Variants in LYPD6 observed in about 807,000 individuals in gnomAD.
LYPD6 encodes LY6/PLAUR domain containing 6.
Under a neutral mutation model 22.7 loss-of-function variants are expected in LYPD6, and 15 were observed. That is an observed-to-expected ratio of 0.66 (90% CI 0.44 to 1.02). LYPD6 has a LOEUF of 1.02. Ranked by LOEUF, LYPD6 falls within the 50% of genes least tolerant of loss-of-function variation. The pLI is 0.00. For missense variants in LYPD6, 189 were observed against 208.4 expected (o/e 0.91, Z 0.57); for synonymous variants, 72 against 77.5 (o/e 0.93, Z 0.37).
intron 1 of LYPD6, among the ~76,000 whole-genome samples, chr2:149,405,284 G>A (rs951138523): frequency 5.3e-5 from 8 of 151,996 alleles, no homozygotes; most frequent in African/African-American, 1.2e-4. Context: ...TTTTTCTATT[G>A]ATTGGAATAG....
At chr2:149,353,778 A>G (rs139145272) in intron 1 of LYPD6, among the ~76,000 whole-genome samples, 2,455 of 152,282 alleles carry the variant, frequency 0.016, 40 homozygotes, top group Non-Finnish European at 0.023. Context: ...ATTAAAAAAA[A>G]AAATTCCACC....
At chr2:149,364,500 A>G (rs1398031221) in intron 1 of LYPD6, among the ~76,000 whole-genome samples, 1 of 150,222 alleles carries the variant, frequency 6.7e-6, no homozygotes, top group Non-Finnish European at 1.5e-5. Context: ...TCTTTTGTTT[A>G]CTTGTCAGAT....
chr2:149,401,347 TGAA>T (rs576680098), intron 1 of LYPD6, among the ~76,000 whole-genome samples: 6 of 152,220 alleles, frequency 3.9e-5, no homozygotes, highest in Non-Finnish European at 8.8e-5. Flanking sequence ...CTATTCATAA[TGAA>T]GAAGGAGTGA....
At chr2:149,435,430 T>C (rs1683408984) in intron 1 of LYPD6, among the ~76,000 whole-genome samples, 1 of 152,224 alleles carries the variant, frequency 6.6e-6, no homozygotes, top group Non-Finnish European at 1.5e-5. Flanking sequence ...TGAGCCCTGC[T>C]ACGTACAGAT....
chr2:149,362,579 A>G (rs887711323), intron 1 of LYPD6, among the ~76,000 whole-genome samples: 4 of 152,162 alleles, frequency 2.6e-5, no homozygotes, highest in South Asian at 2.1e-4. Flanking sequence ...TATAAACAAT[A>G]TAAGTTTACT....
intron 1 of LYPD6, among the ~76,000 whole-genome samples, chr2:149,421,681 A>C (rs1683084815): frequency 6.6e-6 from 1 of 152,162 alleles, no homozygotes; most frequent in African/African-American, 2.4e-5. Flanking sequence ...TTTTATTTGA[A>C]TATAATATTT....
At chr2:149,469,082 T>G (rs1381533101) in intron 4 of LYPD6, among the ~76,000 whole-genome samples, 3 of 152,208 alleles carry the variant, frequency 2.0e-5, no homozygotes, top group African/African-American at 7.2e-5. Flanking sequence ...AAGAGACCAG[T>G]TATGTCCATC....
intron 1 of LYPD6, among the ~76,000 whole-genome samples, chr2:149,374,753 T>C (rs529588424): frequency 6.6e-6 from 1 of 152,328 alleles, no homozygotes; most frequent in Non-Finnish European, 1.5e-5. Flanking sequence ...GTAGCACATG[T>C]TAGGCTTTTA....
chr2:149,385,191 C>T (rs141478839), intron 1 of LYPD6, among the ~76,000 whole-genome samples: 2 of 152,174 alleles, frequency 1.3e-5, no homozygotes, highest in Admixed American at 6.6e-5. Flanking sequence ...TGGCAGAGTG[C>T]AAATGGGTAA....
chr2:149,414,129 A>G (rs1168756777), intron 1 of LYPD6, among the ~76,000 whole-genome samples: 1 of 152,234 alleles, frequency 6.6e-6, no homozygotes, highest in Non-Finnish European at 1.5e-5. Flanking sequence ...GAACTTTGAT[A>G]GATGTTCAGT....
At chr2:149,394,632 C>A (rs1280624388) in intron 1 of LYPD6, among the ~76,000 whole-genome samples, 3 of 151,922 alleles carry the variant, frequency 2.0e-5, no homozygotes, top group East Asian at 1.9e-4. Flanking sequence ...TTTCATATAT[C>A]TCTCTCTCTT....
In LYPD6 at chr2:149,471,285, A is replaced by G. The variant is rs1271572846; in HGVS notation, c.*435A>G. 1.3e-5 allele frequency: 2 copies of G among 153,108 alleles called. No homozygotes were observed. The highest frequency in any genetic ancestry group is 2.9e-5 in the Non-Finnish European group (2 of 68,716). 9.5% of individuals were successfully genotyped at this position (153,108 alleles called of 1,614,324 possible). On this transcript the variant is annotated 3_prime_UTR_variant, in exon 5 of 5. Transcript: ENST00000334166. Reference sequence around the variant, plus strand: ...TAAATATAATCATGAGTTCATTTGTAGCTTTAGAATTTTAAAACATTGACT... The same window carrying G: ...TAAATATAATCATGAGTTCATTTGTGGCTTTAGAATTTTAAAACATTGACT...
rs148873262 is a variant in LYPD6, at chr2:149,336,745, A to T, written c.-72+6023A>T. 3.3e-3 allele frequency among the ~76,000 whole-genome samples: 507 copies of T among 152,320 alleles called. 4 individuals carry two copies. The highest frequency in any genetic ancestry group is 0.012 in the African/African-American group (494 of 41,568). On this transcript the variant is annotated intron_variant, in intron 1 of 4. Transcript: ENST00000334166. ...TTTTCTAGATTAAACACATATTCTTATAAGACAAAACATTATGAAAATAAG... is the reference window on the plus strand; with the variant it reads ...TTTTCTAGATTAAACACATATTCTTTTAAGACAAAACATTATGAAAATAAG...
chr2:149,358,401 C>G (rs1681509582), intron 1 of LYPD6, among the ~76,000 whole-genome samples: 1 of 152,156 alleles, frequency 6.6e-6, no homozygotes, highest in Non-Finnish European at 1.5e-5. Flanking sequence ...AAGATAGGGA[C>G]TGGCTGGTTG....
At chr2:149,457,407 CTGCTATTGTGTGCAA>C (rs1680986233) in intron 3 of LYPD6, among the ~76,000 whole-genome samples, 1 of 152,182 alleles carries the variant, frequency 6.6e-6, no homozygotes, top group African/African-American at 2.4e-5. Flanking sequence ...GATTAAATGC[CTGCTATTGTGTGCAA>C]TGCCCTGTGT....
intron 1 of LYPD6, among the ~76,000 whole-genome samples, chr2:149,351,269 C>T (rs2105058772): frequency 6.6e-6 from 1 of 151,916 alleles, no homozygotes; most frequent in Admixed American, 6.6e-5. Context: ...TGGTGCACAC[C>T]TGCAATCCCA....
intron 3 of LYPD6, among the ~76,000 whole-genome samples, chr2:149,467,947 T>C (rs1450738318): frequency 1.3e-5 from 2 of 152,140 alleles, no homozygotes; most frequent in Non-Finnish European, 2.9e-5. Context: ...GAAACTCCCA[T>C]CATGGTCTTC....
intron 1 of LYPD6, among the ~76,000 whole-genome samples, chr2:149,396,992 C>A (rs1682440662): frequency 6.6e-6 from 1 of 152,164 alleles, no homozygotes. Flanking sequence ...TACTTTAAAT[C>A]ATTTCTATAT....
chr2:149,448,015 C>T (rs541455585), intron 2 of LYPD6, among the ~76,000 whole-genome samples: 20 of 152,196 alleles, frequency 1.3e-4, no homozygotes, highest in African/African-American at 2.2e-4. Flanking sequence ...TAGCATAGGC[C>T]GGGTGTGGTG....
Sources: gnomAD v4.1 joint callset for allele counts (sites outside exome capture counted in the v4.1 genomes callset) on GRCh38, gnomAD v4.1.1 for gene constraint, MANE v1.5 for transcripts, NCBI Gene and HGNC (gene_info 2026-07-23, HGNC 2026-07-21) for gene names.